CCDC9: variants seen among roughly 807,000 people sequenced by gnomAD.
CCDC9 encodes the protein coiled-coil domain-containing protein 9.
In CCDC9, 52 loss-of-function variants were observed where a neutral mutation model predicts 65.6. The observed-to-expected ratio is 0.79, with a 90% CI of 0.63 to 1.00. The LOEUF is 1.00. CCDC9 is among the 50% of genes least tolerant of loss of function. CCDC9 has a pLI of 0.00. For synonymous variants in CCDC9, 332 were observed against 280.3 expected, an observed-to-expected ratio of 1.18 and a Z score of -1.84; for missense variants, 834 against 757.2, an observed-to-expected ratio of 1.10 and a Z score of -1.19.
intron 4 of CCDC9, 29 bp downstream of exon 4, chr19:47,260,451 TGAGGATGGGGAGGGGCAGA>T: frequency 6.2e-7 from 1 of 1,608,738 alleles, no homozygotes; most frequent in Non-Finnish European, 8.5e-7. Context: ...TGTGGGACCC[TGAGGATGGGGAGGGGCAGA>T]GGGTTGAGGC....
At position 47,260,780 on chromosome 19, in the gene CCDC9, C is replaced by G. The variant is rs1024433069; in HGVS notation, c.403C>G (p.Arg135Gly). 1 of 1,613,114 alleles carries G rather than the reference C, an allele frequency of 6.2e-7. No individual in the cohort carries two copies. Among genetic ancestry groups the G allele is most frequent in the Non-Finnish European group, 8.5e-7 (1 of 1,179,574 alleles). The change falls in exon 5 of 12, where the codon CGA becomes GGA. Residue 135 changes from arginine to glycine, a missense_variant. Arg to Gly is a moderately radical substitution (Grantham distance 125). Coordinates refer to ENST00000221922, the MANE Select transcript of CCDC9 (RefSeq NM_015603.3). ...AGGRGRRGRG[R>G]GSPHLSGAGD... ...GGGCCGTGGCCGGAGGGGCCGGGGC[C>G]GAGGTTCACCTCACCTCTCTGGAGC...
At chr19:47,269,623 C>T (rs1276948391) in intron 8 of CCDC9, among the ~76,000 whole-genome samples, 2 of 152,188 alleles carry the variant, frequency 1.3e-5, no homozygotes, top group Non-Finnish European at 2.9e-5. Context: ...CAGGCGTGAG[C>T]CACCGTGCCC....
rs932224502 is a variant in CCDC9 at position 47,271,130 on chromosome 19, C to A, written c.1134C>A (p.Ala378=). The A allele has an allele frequency of 1.3e-6, 2 of 1,581,208 alleles. No homozygotes were observed. The highest frequency in any genetic ancestry group is 1.7e-6 in the Non-Finnish European group (2 of 1,165,240). ...WETKEGAASP[A]PETPQPTSPE... Reference sequence around the variant, plus strand: ...CAAAAGAAGGGGCAGCATCCCCAGCCCCTGAGACTCCACAGCCTACTTCCC... The same window carrying A: ...CAAAAGAAGGGGCAGCATCCCCAGCACCTGAGACTCCACAGCCTACTTCCC... Residue 378 remains alanine, a synonymous_variant, in exon 11 of 12, where the codon GCC becomes GCA. Coordinates refer to ENST00000221922, the MANE Select transcript of CCDC9 (RefSeq NM_015603.3).
At chr19:47,274,373 G>A (rs1568644691), downstream of CCDC9, 1 of 152,312 alleles carries the variant, frequency 6.6e-6, no homozygotes, top group South Asian at 2.0e-4. Flanking sequence ...GGCCGTCAGC[G>A]GGGGCGTGGT....
intron 1 of CCDC9, among the ~76,000 whole-genome samples, chr19:47,257,360 G>A (rs1464993135): frequency 1.3e-5 from 2 of 151,588 alleles, no homozygotes; most frequent in Non-Finnish European, 2.9e-5. Flanking sequence ...TGCGAGCCAG[G>A]AGGCGGGGAA....
At chr19:47,273,967 C>A, downstream of CCDC9, 1 of 984,796 alleles carries the variant, frequency 1.0e-6, no homozygotes, top group Non-Finnish European at 1.2e-6. Context: ...CTCCCGCAGG[C>A]CTCCCCGAAT....
intron 5 of CCDC9, among the ~76,000 whole-genome samples, chr19:47,263,576 T>C (rs944437182): frequency 2.6e-5 from 4 of 152,334 alleles, no homozygotes; most frequent in Non-Finnish European, 5.9e-5. Context: ...AATTTCTTTT[T>C]GTTTTTGAGA....
chr19:47,271,509 C>T lies in CCDC9; in HGVS notation c.1427C>T (p.Pro476Leu), dbSNP rs778664756. The T allele has an allele frequency of 6.2e-7, 1 of 1,613,000 alleles. No homozygotes were observed. ...AHGVPFSPEE[P>L]LLEPQAPGTP... ...GGAGTCCCCTTCAGTCCGGAGGAGC[C>T]CCTGCTGGAGCCCCAGGCCCCTGGC... The change falls in exon 12 of 12, where the codon CCC becomes CTC. Residue 476 changes from proline to leucine, a missense_variant. Physicochemically the swap from Pro to Leu is moderately conservative, Grantham distance 98. Transcript: ENST00000221922.
Position 47,266,603 on chromosome 19 carries a change from G to C in CCDC9, c.721-8G>C. 1 of 1,517,488 alleles carries C rather than the reference G, an allele frequency of 6.6e-7. No homozygotes were observed. Among genetic ancestry groups the C allele is most frequent in the South Asian group, 1.3e-5 (1 of 79,246 alleles). 94.0% of individuals were successfully genotyped at this position (1,517,488 alleles called of 1,614,324 possible). Reference sequence around the variant, plus strand: ...CATCACCCTGACTCCCTGTGGGCTGGGGGGCAGGGCCGCCGAGCTGGCCTG... The same window carrying C: ...CATCACCCTGACTCCCTGTGGGCTGCGGGGCAGGGCCGCCGAGCTGGCCTG... On this transcript the variant is annotated splice_polypyrimidine_tract_variant and splice_region_variant and intron_variant, in intron 7 of 11. Coordinates refer to ENST00000221922, the MANE Select transcript of CCDC9 (RefSeq NM_015603.3).
rs1227573466 is a variant in CCDC9 at position 47,271,154 on chromosome 19, C to T, written c.1158C>T (p.Ser386=). Residue 386 remains serine, a synonymous_variant, in exon 11 of 12, where the codon TCC becomes TCT. Transcript: ENST00000221922. ...SPAPETPQPT[S]PETSPKETPM... ...CCCCTGAGACTCCACAGCCTACTTC[C>T]CCCGAGACTTCCCCCAAGGAGACAC... The T allele has an allele frequency of 2.5e-6, 4 of 1,592,022 alleles. No individual in the cohort carries two copies. The East Asian group carries it at 9.1e-5, about 36-fold the overall frequency.
intron 1 of CCDC9, among the ~76,000 whole-genome samples, chr19:47,257,026 GC>G (rs1389698304): frequency 1.4e-5 from 2 of 146,540 alleles, no homozygotes; most frequent in African/African-American, 5.0e-5. Flanking sequence ...CGGGGGCGGG[GC>G]CACAATGTAG....
chr19:47,271,909 C>T lies in CCDC9; in HGVS notation c.*231C>T. 1 of 1,310,544 alleles carries T rather than the reference C, an allele frequency of 7.6e-7. No homozygotes were observed. Among genetic ancestry groups the T allele is most frequent in the Non-Finnish European group, 9.7e-7 (1 of 1,032,122 alleles). 81.2% of individuals were successfully genotyped at this position (1,310,544 alleles called of 1,614,324 possible). A position where few individuals can be genotyped will look rare whatever the true frequency, so the allele number is the denominator to read the frequency against. ...GAATGTCCACTCCCAGAGCCTGCCC[C>T]AGCCCTTCGAGCCCCCTCCCCAATA... On this transcript the variant is annotated 3_prime_UTR_variant, in exon 12 of 12. Transcript: ENST00000221922.
chr19:47,269,003 T>G (rs2059099664), intron 8 of CCDC9, among the ~76,000 whole-genome samples: 1 of 152,022 alleles, frequency 6.6e-6, no homozygotes, highest in Non-Finnish European at 1.5e-5. Flanking sequence ...CCCAGCACTT[T>G]AGGAGGCCAA....
rs777804999 is a variant in CCDC9, at chr19:47,271,086, C to T, written c.1090C>T (p.His364Tyr). Reference protein sequence around the residue: ...AKAAPRAYSDHDDRWETKEGA... With the variant: ...AKAAPRAYSDYDDRWETKEGA... Reference sequence around the variant, plus strand: ...CCCTCCCTCTGTTCCCTCTAGTGACCATGATGACCGCTGGGAGACAAAAGA... The same window carrying T: ...CCCTCCCTCTGTTCCCTCTAGTGACTATGATGACCGCTGGGAGACAAAAGA... Residue 364 changes from histidine to tyrosine, a missense_variant, in exon 11 of 12, where the codon CAT becomes TAT. Coordinates refer to ENST00000221922, the MANE Select transcript of CCDC9 (RefSeq NM_015603.3). 6.5e-7 allele frequency: 1 copy of T among 1,549,956 alleles called. No individual in the cohort carries two copies. Among genetic ancestry groups the T allele is most frequent in the Non-Finnish European group, 8.7e-7 (1 of 1,148,322 alleles).
rs201968066 is a variant in CCDC9 at position 47,260,631 on chromosome 19, G to A, written c.254G>A (p.Arg85Gln). 73 of 1,522,034 alleles carry A rather than the reference G, an allele frequency of 4.8e-5. 1 individual carries two copies. The Admixed American group carries it at 9.4e-4, about 20-fold the overall frequency. 94.3% of individuals were successfully genotyped at this position (1,522,034 alleles called of 1,614,324 possible). The stretch of plus-strand genomic sequence containing the variant: ...TCCCGGAGGTCTCCTGGGACCCCTC[G>A]GCCCCCAGGGGCCAGCAAGGGGGGC... ...GPSRRSPGTP[R>Q]PPGASKGGRT... The change falls in exon 5 of 12, where the codon CGG becomes CAG. Residue 85 changes from arginine (R) to glutamine (Q), a missense_variant. Physicochemically the swap from Arg to Gln is conservative, Grantham distance 43 (BLOSUM62 1). Coordinates refer to ENST00000221922, the MANE Select transcript of CCDC9 (RefSeq NM_015603.3).
rs1049483586 is a variant in CCDC9 at position 47,271,839 on chromosome 19, G to A, written c.*161G>A. ...TGCCCCACAGCCCTGTCAGCTGAGG[G>A]GGTAGCGCAGCCCATGCTCTTCTGT... is the stretch of plus-strand genomic sequence containing the variant. On this transcript the variant is annotated 3_prime_UTR_variant, in exon 12 of 12. Coordinates refer to ENST00000221922, the MANE Select transcript of CCDC9 (RefSeq NM_015603.3). The A allele has an allele frequency of 1.4e-6, 2 of 1,418,974 alleles. No individual in the cohort carries two copies. The highest frequency in any genetic ancestry group is 5.1e-5 in the East Asian group (2 of 39,428). 87.9% of individuals were successfully genotyped at this position (1,418,974 alleles called of 1,614,324 possible).
Position 47,264,884 on chromosome 19 carries a change from G to A in CCDC9, c.658G>A (p.Gly220Ser), listed in dbSNP as rs777602055. 1.5e-5 allele frequency: 22 copies of A among 1,475,884 alleles called. No individual in the cohort carries two copies. Among genetic ancestry groups the A allele is most frequent in the South Asian group, 9.8e-5 (7 of 71,104 alleles). The allele number at this position is 1,475,884 out of a possible 1,614,324, so 91.4% of individuals were successfully genotyped here. A position where few individuals can be genotyped will look rare whatever the true frequency, so the allele number is the denominator to read the frequency against. The change falls in exon 7 of 12, where the codon GGC (glycine) becomes AGC (serine). Residue 220 changes from glycine to serine, a missense_variant. Gly to Ser is a moderately conservative substitution (Grantham distance 56). Transcript: ENST00000221922. ...CCGCCGGGAGGAGAGCCGCCGGCAC[G>A]GCCGCAACTGGGGGGGCCCCGACTT... ...RDRREESRRH[G>S]RNWGGPDFER...
At chr19:47,273,304 G>C, downstream of CCDC9, 1 of 1,104,082 alleles carries the variant, frequency 9.1e-7, no homozygotes, top group Middle Eastern at 3.4e-4. Context: ...CTGGGCCGGG[G>C]GGGAGGTGGG....
At chr19:47,267,058 A>G (rs1168066284) in intron 8 of CCDC9, among the ~76,000 whole-genome samples, 1 of 147,916 alleles carries the variant, frequency 6.8e-6, no homozygotes, top group Non-Finnish European at 1.5e-5. Context: ...TCCGCCTCCC[A>G]GGTTCACACC....
Sources: allele counts gnomAD v4.1 joint callset (sites outside exome capture counted in the v4.1 genomes callset), GRCh38; gene constraint gnomAD v4.1.1; transcripts MANE v1.5; gene names NCBI Gene and HGNC (gene_info 2026-07-23, HGNC 2026-07-21).